SLC9A9: variants seen among roughly 807,000 people sequenced by gnomAD.
SLC9A9 encodes sodium/hydrogen exchanger 9.
A neutral mutation model predicts 77.8 loss-of-function variants in SLC9A9; 62 were observed. That is an observed-to-expected ratio of 0.80 (90% CI 0.65 to 0.98). SLC9A9 has a LOEUF of 0.98. SLC9A9 is among the 50% of genes least tolerant of loss of function. The pLI is 0.00. For missense variants in SLC9A9, 775 were observed against 774.9 expected (o/e 1.00, Z 0.00); for synonymous variants, 320 against 283.5 (o/e 1.13, Z -1.29).
At chr3:143,541,869 T>C (rs2108630480) in intron 9 of SLC9A9, among the ~76,000 whole-genome samples, 1 of 152,356 alleles carries the variant, frequency 6.6e-6, no homozygotes, top group East Asian at 1.9e-4. Flanking sequence ...GAAGTTATAG[T>C]CCAACTACAG....
chr3:143,523,690 C>A (rs58992171), intron 9 of SLC9A9, among the ~76,000 whole-genome samples: 14,438 of 152,034 alleles, frequency 0.095, 1,282 homozygotes, highest in East Asian at 0.43. Flanking sequence ...ATGAAAGGAT[C>A]GATGAAGGGT....
intron 5 of SLC9A9, among the ~76,000 whole-genome samples, chr3:143,656,793 A>C (rs2038897439): frequency 6.6e-6 from 1 of 152,220 alleles, no homozygotes; most frequent in Non-Finnish European, 1.5e-5. Flanking sequence ...TGTCCATGAC[A>C]CACAGAGAAT....
chr3:143,573,665 T>C (rs2037307121), intron 8 of SLC9A9, among the ~76,000 whole-genome samples: 2 of 151,480 alleles, frequency 1.3e-5, no homozygotes, highest in South Asian at 4.2e-4. Flanking sequence ...CCGACGTGTA[T>C]GGAGATGTAC....
intron 2 of SLC9A9, among the ~76,000 whole-genome samples, chr3:143,825,415 A>G (rs1447640961): frequency 3.8e-5 from 1 of 26,228 alleles, no homozygotes; most frequent in East Asian, 1.4e-3. Flanking sequence ...GGATGGTGAG[A>G]AAAAAAAAAG....
intron 13 of SLC9A9, among the ~76,000 whole-genome samples, chr3:143,378,620 T>G (rs1324214079): frequency 6.6e-6 from 1 of 152,274 alleles, no homozygotes; most frequent in South Asian, 2.1e-4. Context: ...TGAAGGCAAG[T>G]GTGGTGCTCC....
At chr3:143,674,317 C>G (rs2039204686) in intron 5 of SLC9A9, among the ~76,000 whole-genome samples, 1 of 152,126 alleles carries the variant, frequency 6.6e-6, no homozygotes, top group South Asian at 2.1e-4. Flanking sequence ...ACGCTCTGAC[C>G]ACCAATCCCA....
chr3:143,420,296 T>C (rs575066311), intron 12 of SLC9A9, among the ~76,000 whole-genome samples: 1 of 152,190 alleles, frequency 6.6e-6, no homozygotes, highest in Non-Finnish European at 1.5e-5. Context: ...TAACAATGAG[T>C]TTGTAAAGTT....
At chr3:143,347,686 T>C (rs1175952619) in intron 14 of SLC9A9, among the ~76,000 whole-genome samples, 4 of 152,128 alleles carry the variant, frequency 2.6e-5, no homozygotes, top group African/African-American at 9.7e-5. Context: ...ACCACCAATA[T>C]TGTCCCCTGC....
chr3:143,691,129 TG>T (rs746332212), intron 5 of SLC9A9, among the ~76,000 whole-genome samples: 3 of 152,260 alleles, frequency 2.0e-5, no homozygotes, highest in South Asian at 4.1e-4. Context: ...AGTCACTATG[TG>T]GTGCCAATCC....
chr3:143,839,341 T>G (rs2009648417), intron 1 of SLC9A9, among the ~76,000 whole-genome samples: 1 of 152,200 alleles, frequency 6.6e-6, no homozygotes, highest in Non-Finnish European at 1.5e-5. Flanking sequence ...AAGTAGTCCA[T>G]GAAGCTAATT....
chr3:143,639,259 G>T (rs556799467), intron 6 of SLC9A9, among the ~76,000 whole-genome samples: 1 of 152,296 alleles, frequency 6.6e-6, no homozygotes, highest in African/African-American at 2.4e-5. Flanking sequence ...TTTAGATTAT[G>T]TTATTAGAAG....
intron 1 of SLC9A9, among the ~76,000 whole-genome samples, chr3:143,835,065 CT>C (rs2009534740): frequency 6.6e-6 from 1 of 152,174 alleles, no homozygotes; most frequent in Non-Finnish European, 1.5e-5. Flanking sequence ...CATCATTAAT[CT>C]TGCCAAACTT....
In SLC9A9 at chr3:143,482,873, C is replaced by T. The variant is rs578204374; in HGVS notation, c.1315+10780G>A. On this transcript the variant is annotated intron_variant, in intron 11 of 15. Coordinates refer to ENST00000316549, the MANE Select transcript of SLC9A9 (RefSeq NM_173653.4). Reference sequence around the variant, plus strand: ...GTTTCAAGGGAACTGAGAGCTGAGGCGGGGTTGTTCACTCGTGGCATTAAC... The same window carrying T: ...GTTTCAAGGGAACTGAGAGCTGAGGTGGGGTTGTTCACTCGTGGCATTAAC... 5.3e-5 allele frequency among the ~76,000 whole-genome samples: 8 copies of T among 152,216 alleles called. No homozygotes were observed. The Middle Eastern group carries it at 0.01, about 194-fold the overall frequency.
intron 2 of SLC9A9, among the ~76,000 whole-genome samples, chr3:143,829,273 G>C (rs2009376631): frequency 6.6e-6 from 1 of 151,986 alleles, no homozygotes; most frequent in African/African-American, 2.4e-5. Context: ...TTTTATCCGG[G>C]CTTAAAATCC....
intron 12 of SLC9A9, among the ~76,000 whole-genome samples, chr3:143,441,134 C>T (rs1281912149): frequency 6.6e-6 from 1 of 152,136 alleles, no homozygotes; most frequent in Admixed American, 6.5e-5. Flanking sequence ...TCTCAGGGCC[C>T]TACTTTTTGT....
intron 5 of SLC9A9, among the ~76,000 whole-genome samples, chr3:143,657,185 C>A (rs1420687338): frequency 2.0e-5 from 3 of 152,156 alleles, no homozygotes; most frequent in Non-Finnish European, 4.4e-5. Flanking sequence ...AAAAGACTAA[C>A]CCTTCTGAGT....
At chr3:143,398,097 T>C (rs2033770391) in intron 12 of SLC9A9, among the ~76,000 whole-genome samples, 2 of 151,900 alleles carry the variant, frequency 1.3e-5, no homozygotes, top group Non-Finnish European at 2.9e-5. Flanking sequence ...ATTCTGAACT[T>C]CCCCCCCGCC....
intron 14 of SLC9A9, among the ~76,000 whole-genome samples, chr3:143,346,024 T>C (rs7652901): frequency 6.6e-6 from 1 of 151,960 alleles, no homozygotes; most frequent in Non-Finnish European, 1.5e-5. Context: ...CAAAGATTTT[T>C]TTTTTAATTA....
At chr3:143,697,866 T>G (rs1933687043) in intron 4 of SLC9A9, among the ~76,000 whole-genome samples, 1 of 152,360 alleles carries the variant, frequency 6.6e-6, no homozygotes, top group East Asian at 1.9e-4. Context: ...GCTCGTATGG[T>G]AATTGTTATT....
Sources: allele counts gnomAD v4.1 joint callset (sites outside exome capture counted in the v4.1 genomes callset), GRCh38; gene constraint gnomAD v4.1.1; transcripts MANE v1.5; gene names NCBI Gene and HGNC (gene_info 2026-07-23, HGNC 2026-07-21).